Variants in QKI observed in about 807,000 individuals in gnomAD.
QKI encodes the protein KH domain-containing RNA-binding protein QKI.
In QKI, 10 loss-of-function variants were observed where a neutral mutation model predicts 39.0. That is an observed-to-expected ratio of 0.26 (90% CI 0.16 to 0.43). The LOEUF (loss-of-function observed/expected upper bound fraction) is 0.43, where lower values mean the gene tolerates loss of function less well. Ranked by LOEUF, QKI falls within the 20% of genes least tolerant of loss-of-function variation. QKI has a pLI of 1.00. For synonymous variants in QKI, 204 were observed against 155.4 expected (o/e 1.31, Z -2.33); for missense variants, 218 against 428.0 (o/e 0.51, Z 4.33).
At chr6:163,550,900 T>G (rs1342624061) in intron 4 of QKI, among the ~76,000 whole-genome samples, 1 of 149,812 alleles carries the variant, frequency 6.7e-6, no homozygotes, top group African/African-American at 2.5e-5. Context: ...TGAGCCAAGA[T>G]CGTGTCACTG....
At chr6:163,567,296 G>A in intron 7 of QKI, 2 of 986,052 alleles carry the variant, frequency 2.0e-6, no homozygotes, top group South Asian at 4.7e-5. Context: ...ATAAACATGA[G>A]GGTGCACATG....
At chr6:163,565,527 T>C (rs1783309610) in intron 6 of QKI, 1 of 990,028 alleles carries the variant, frequency 1.0e-6, no homozygotes. Flanking sequence ...ATTGTAAAGC[T>C]TCATGTCTTT....
At chr6:163,448,335 GTTTTTT>G (rs545732473) in intron 1 of QKI, among the ~76,000 whole-genome samples, 2 of 137,976 alleles carry the variant, frequency 1.4e-5, no homozygotes, top group Non-Finnish European at 3.2e-5. Context: ...AATAGCTTGG[GTTTTTT>G]TTTTTTTTTT....
chr6:163,550,496 G>C (rs370849261), intron 4 of QKI, among the ~76,000 whole-genome samples: 32 of 152,298 alleles, frequency 2.1e-4, no homozygotes, highest in African/African-American at 7.5e-4. Context: ...TTGGGGGGAA[G>C]CTATGTGGCT....
At chr6:163,435,154 C>G (rs776643958) in intron 1 of QKI, among the ~76,000 whole-genome samples, 3 of 152,130 alleles carry the variant, frequency 2.0e-5, no homozygotes, top group Non-Finnish European at 2.9e-5. Context: ...AAACATAAAG[C>G]ATGACATTTC....
chr6:163,425,457 G>T (rs935639484), intron 1 of QKI, among the ~76,000 whole-genome samples: 5 of 152,124 alleles, frequency 3.3e-5, no homozygotes, highest in Non-Finnish European at 5.9e-5. Context: ...TTATTTGGGG[G>T]TGTCAGAATG....
At chr6:163,498,466 C>T (rs1778545766) in intron 3 of QKI, among the ~76,000 whole-genome samples, 2 of 151,994 alleles carry the variant, frequency 1.3e-5, no homozygotes, top group African/African-American at 4.8e-5. Flanking sequence ...TCCTACACAC[C>T]TTTCACCTCA....
chr6:163,564,583 A>G, intron 6 of QKI: 2 of 1,604,614 alleles, frequency 1.2e-6, no homozygotes, highest in South Asian at 1.1e-5. Context: ...GGCAGAAATT[A>G]AAATCATAAT....
At chr6:163,486,232 A>T (rs1372011863) in intron 3 of QKI, among the ~76,000 whole-genome samples, 4 of 152,236 alleles carry the variant, frequency 2.6e-5, no homozygotes, top group Non-Finnish European at 5.9e-5. Flanking sequence ...CTCTCACTGG[A>T]TATTCAAATT....
intron 7 of QKI, chr6:163,568,056 C>A: frequency 1.0e-6 from 1 of 985,090 alleles, no homozygotes; most frequent in Non-Finnish European, 1.2e-6. Flanking sequence ...CAAAATAGAC[C>A]CCAGCTCCGT....
intron 1 of QKI, among the ~76,000 whole-genome samples, chr6:163,443,355 G>A (rs569990725): frequency 1.5e-3 from 229 of 152,362 alleles, no homozygotes; most frequent in Non-Finnish European, 2.5e-3. Flanking sequence ...TGGATTACGA[G>A]GTCAGGAGTT....
intron 1 of QKI, among the ~76,000 whole-genome samples, chr6:163,438,290 T>C (rs891568409): frequency 2.6e-5 from 4 of 152,168 alleles, no homozygotes; most frequent in Non-Finnish European, 5.9e-5. Context: ...TTCCAGAATA[T>C]AATTTTACAT....
At chr6:163,511,774 T>G (rs1328613202) in intron 3 of QKI, among the ~76,000 whole-genome samples, 7 of 151,318 alleles carry the variant, frequency 4.6e-5, no homozygotes, top group Non-Finnish European at 1.0e-4. Context: ...AAGAAAGAAA[T>G]ATTGTGAATC....
intron 3 of QKI, among the ~76,000 whole-genome samples, chr6:163,524,560 C>T (rs767107691): frequency 6.6e-6 from 1 of 152,110 alleles, no homozygotes; most frequent in African/African-American, 2.4e-5. Flanking sequence ...CCTCCACCTC[C>T]GAGGTTCAAG....
intron 2 of QKI, among the ~76,000 whole-genome samples, chr6:163,468,772 A>C (rs1733698785): frequency 6.6e-6 from 1 of 152,198 alleles, no homozygotes; most frequent in Non-Finnish European, 1.5e-5. Flanking sequence ...TTTTCTTTGA[A>C]AGTGTTGTGA....
chr6:163,568,791 C>G, intron 7 of QKI: 1 of 984,958 alleles, frequency 1.0e-6, no homozygotes, highest in Non-Finnish European at 1.2e-6. Context: ...AGTAAACTCA[C>G]CTCTTTATAT....
At chr6:163,498,868 A>G (rs929831832) in intron 3 of QKI, among the ~76,000 whole-genome samples, 3 of 152,134 alleles carry the variant, frequency 2.0e-5, no homozygotes, top group African/African-American at 4.8e-5. Context: ...GCTTGGGATC[A>G]GTAATGTTTC....
chr6:163,470,123 G>A (rs1792073803), intron 2 of QKI, among the ~76,000 whole-genome samples: 1 of 152,130 alleles, frequency 6.6e-6, no homozygotes, highest in Non-Finnish European at 1.5e-5. Context: ...GATGATCAAG[G>A]ATATAACCGT....
chr6:163,502,836 G>T (rs1286561071), intron 3 of QKI, among the ~76,000 whole-genome samples: 1 of 152,084 alleles, frequency 6.6e-6, no homozygotes, highest in Non-Finnish European at 1.5e-5. Context: ...TGTCTTTTTG[G>T]TAGAGTGGTT....
Sources: gnomAD v4.1 joint callset for allele counts (sites outside exome capture counted in the v4.1 genomes callset) on GRCh38, gnomAD v4.1.1 for gene constraint, MANE v1.5 for transcripts, NCBI Gene and HGNC (gene_info 2026-07-23, HGNC 2026-07-21) for gene names.